Variants in SNTG2 observed in about 807,000 individuals in gnomAD.
The protein encoded by SNTG2 is gamma-2-syntrophin.
SNTG2 carries 74 observed loss-of-function variants against 70.9 expected under a neutral mutation model. The ratio of observed to expected loss-of-function variants is 1.04; its 90% CI spans 0.86 to 1.27. SNTG2 has a LOEUF of 1.27. Among genes scored for constraint, SNTG2 ranks in the 50% most tolerant of loss-of-function variants. The pLI, the probability that SNTG2 is intolerant of heterozygous loss-of-function variation, is 0.00. For synonymous variants in SNTG2, 278 were observed against 273.8 expected (o/e 1.02, Z -0.15); for missense variants, 717 against 690.7 (o/e 1.04, Z -0.43).
At chr2:1,349,221 C>T (rs1187501836) in intron 16 of SNTG2, among the ~76,000 whole-genome samples, 3 of 152,132 alleles carry the variant, frequency 2.0e-5, no homozygotes, top group African/African-American at 7.2e-5. Context: ...GGTCACTGGT[C>T]CAAGTGGCAT....
chr2:1,136,255 C>A (rs139101338), intron 4 of SNTG2, among the ~76,000 whole-genome samples: 65 of 151,756 alleles, frequency 4.3e-4, no homozygotes, highest in Middle Eastern at 6.8e-3. Flanking sequence ...TGCAGCCTAC[C>A]CTCGTGTGGC....
chr2:1,333,811 C>T (rs1402306152), intron 16 of SNTG2, among the ~76,000 whole-genome samples: 1 of 152,162 alleles, frequency 6.6e-6, no homozygotes, highest in East Asian at 1.9e-4. Context: ...AGACTTAAAT[C>T]TAAGACCTGA....
chr2:1,213,608 A>C (rs1047854691), intron 9 of SNTG2, among the ~76,000 whole-genome samples: 4 of 152,232 alleles, frequency 2.6e-5, no homozygotes, highest in Non-Finnish European at 5.9e-5. Flanking sequence ...AGCCCTGGAC[A>C]GGATGCCATC....
chr2:1,242,997 A>C (rs1677147702), intron 11 of SNTG2, among the ~76,000 whole-genome samples: 2 of 152,250 alleles, frequency 1.3e-5, no homozygotes, highest in Non-Finnish European at 2.9e-5. Flanking sequence ...CTTTGCTTAA[A>C]ATTATTTATG....
chr2:1,113,149 A>G (rs1666625609), intron 4 of SNTG2, among the ~76,000 whole-genome samples: 5 of 150,846 alleles, frequency 3.3e-5, no homozygotes, highest in Non-Finnish European at 7.4e-5. Context: ...TCCTTTGAGG[A>G]GGATCGTGGG....
intron 9 of SNTG2, among the ~76,000 whole-genome samples, chr2:1,223,778 G>C (rs558222250): frequency 6.6e-6 from 1 of 152,074 alleles, no homozygotes; most frequent in Non-Finnish European, 1.5e-5. Flanking sequence ...CACTAACCTG[G>C]CTCTGAAGAC....
At chr2:1,207,717 G>A (rs1484650968) in intron 8 of SNTG2, among the ~76,000 whole-genome samples, 2 of 152,294 alleles carry the variant, frequency 1.3e-5, no homozygotes, top group Middle Eastern at 3.4e-3. Context: ...AGGTTCCAGG[G>A]ATCTCATGAG....
chr2:954,719 C>T (rs965752750), intron 1 of SNTG2, among the ~76,000 whole-genome samples: 2 of 152,188 alleles, frequency 1.3e-5, no homozygotes, highest in African/African-American at 4.8e-5. Context: ...GGCTCTTCAT[C>T]CCCTGCCCCT....
chr2:1,297,407 GTC>G (rs1443558634), intron 14 of SNTG2, among the ~76,000 whole-genome samples: 3 of 152,240 alleles, frequency 2.0e-5, no homozygotes, highest in Non-Finnish European at 4.4e-5. Context: ...GCTGCCTTGT[GTC>G]TATTGCATGA....
At chr2:1,230,383 G>A (rs1676132679) in intron 9 of SNTG2, among the ~76,000 whole-genome samples, 2 of 152,294 alleles carry the variant, frequency 1.3e-5, no homozygotes, top group East Asian at 1.9e-4. Context: ...AGTTTACAGA[G>A]AAGAAAAGGC....
At chr2:983,313 C>T (rs1198059012) in intron 1 of SNTG2, among the ~76,000 whole-genome samples, 47 of 106,866 alleles carry the variant, frequency 4.4e-4, no homozygotes, top group African/African-American at 1.8e-3. Flanking sequence ...AGGTGGTGGT[C>T]AGGATGAAGA....
intron 6 of SNTG2, among the ~76,000 whole-genome samples, chr2:1,156,617 A>G (rs1558467334): frequency 6.6e-6 from 1 of 152,190 alleles, no homozygotes; most frequent in Non-Finnish European, 1.5e-5. Flanking sequence ...CAGAGCGGGA[A>G]GAGACCTGGA....
intron 8 of SNTG2, among the ~76,000 whole-genome samples, chr2:1,195,284 A>G (rs1445974689): frequency 2.0e-5 from 3 of 152,158 alleles, no homozygotes; most frequent in Admixed American, 2.0e-4. Flanking sequence ...CTAGTTCTAG[A>G]TCCTTGAGGA....
chr2:1,193,397 G>A (rs1277636118), intron 8 of SNTG2, among the ~76,000 whole-genome samples: 4 of 152,260 alleles, frequency 2.6e-5, no homozygotes, highest in Admixed American at 6.5e-5. Flanking sequence ...CGTAGCCCAG[G>A]CTTCATCACT....
chr2:1,002,201 G>A (rs1012776565), intron 1 of SNTG2, among the ~76,000 whole-genome samples: 6 of 152,058 alleles, frequency 3.9e-5, no homozygotes, highest in African/African-American at 1.4e-4. Context: ...ACATTGCCAT[G>A]ATCAAATAAT....
chr2:1,262,699 A>C (rs1488908868), intron 13 of SNTG2: 1 of 94,694 alleles, frequency 1.1e-5, no homozygotes, highest in Non-Finnish European at 3.0e-5. Context: ...GGCTCCGTCC[A>C]GACGAGGCAA....
chr2:1,269,643 G>A (rs932277677), intron 14 of SNTG2, among the ~76,000 whole-genome samples: 1 of 152,178 alleles, frequency 6.6e-6, no homozygotes, highest in African/African-American at 2.4e-5. Context: ...GTCTTGCACA[G>A]GTGGAGAAGA....
chr2:1,087,043 A>C (rs995036683), intron 2 of SNTG2, among the ~76,000 whole-genome samples: 1 of 152,128 alleles, frequency 6.6e-6, no homozygotes, highest in Non-Finnish European at 1.5e-5. Flanking sequence ...CTGACATTTG[A>C]GGAATCCGGG....
chr2:998,676 T>C (rs1347618260), intron 1 of SNTG2, among the ~76,000 whole-genome samples: 1 of 151,998 alleles, frequency 6.6e-6, no homozygotes, highest in Non-Finnish European at 1.5e-5. Flanking sequence ...TAGGTATTCC[T>C]GAGGAAGAAG....
Sources: gnomAD v4.1 joint callset for allele counts (sites outside exome capture counted in the v4.1 genomes callset) on GRCh38, gnomAD v4.1.1 for gene constraint, MANE v1.5 for transcripts, NCBI Gene and HGNC (gene_info 2026-07-23, HGNC 2026-07-21) for gene names.